KIAA0753: variants seen among roughly 807,000 people sequenced by gnomAD.
KIAA0753 encodes the protein protein moonraker.
Under a neutral mutation model 116.9 loss-of-function variants are expected in KIAA0753, and 114 were observed. The ratio of observed to expected loss-of-function variants is 0.98; its 90% CI spans 0.84 to 1.14. The LOEUF (loss-of-function observed/expected upper bound fraction) is 1.14. KIAA0753 is among the 50% of genes most tolerant of loss of function. The probability of loss-of-function intolerance (pLI) is 0.00; values close to 1 mark genes in which losing one functional copy is unlikely to be tolerated. For missense variants in KIAA0753, 1,156 were observed against 1,172.4 expected (o/e 0.99, Z 0.20); for synonymous variants, 405 against 413.1 (o/e 0.98, Z 0.24).
At chr17:6,590,765 C>A in intron 16 of KIAA0753, 135 bp from the exon 17 acceptor site, 2 of 779,954 alleles carry the variant, frequency 2.6e-6, no homozygotes, top group South Asian at 1.7e-5. Context: ...GCTAGCAGTG[C>A]AATGGGAAAA....
intron 7 of KIAA0753, among the ~76,000 whole-genome samples, chr17:6,616,175 T>G (rs1339195241): frequency 6.6e-6 from 1 of 152,212 alleles, no homozygotes; most frequent in African/African-American, 2.4e-5. Context: ...TACTCAAGGT[T>G]CCCAAAGAGT....
intron 7 of KIAA0753, among the ~76,000 whole-genome samples, chr17:6,617,360 C>T (rs1183460342): frequency 1.3e-5 from 2 of 152,192 alleles, no homozygotes; most frequent in East Asian, 1.9e-4. Context: ...ATTACTTCTA[C>T]CTGCCTACCA....
At position 6,578,629 on chromosome 17, in the gene KIAA0753, TAA is replaced by T. The variant is rs944659023; in HGVS notation, c.*1116_*1117del. ...CCAGATGACGGCACTGGACAGGTTA[TAA>T]AGAGTTCCCTTATTCCCTGGGGGCG... is the stretch of plus-strand genomic sequence containing the variant. On this transcript the variant is annotated 3_prime_UTR_variant, in exon 19 of 19. Coordinates refer to ENST00000361413, the MANE Select transcript of KIAA0753 (RefSeq NM_014804.3). The T allele has an allele frequency of 6.6e-6, 1 of 152,264 alleles. No individual in the cohort carries two copies. Among genetic ancestry groups the T allele is most frequent in the Non-Finnish European group, 1.5e-5 (1 of 68,052 alleles). 9.4% of individuals were successfully genotyped at this position (152,264 alleles called of 1,614,324 possible).
chr17:6,613,587 C>T (rs1970691765), intron 7 of KIAA0753, among the ~76,000 whole-genome samples: 1 of 151,926 alleles, frequency 6.6e-6, no homozygotes, highest in Non-Finnish European at 1.5e-5. Flanking sequence ...CAGAAATCAG[C>T]GAGACATCAT....
chr17:6,623,757 A>C (rs1026467394), intron 4 of KIAA0753, 186 bp from the exon 5 acceptor site: 2 of 722,578 alleles, frequency 2.8e-6, no homozygotes, highest in Non-Finnish European at 4.1e-6. Context: ...AGTTCAAGAT[A>C]GTGAATAGGC....
chr17:6,595,057 TA>T lies in KIAA0753; in HGVS notation c.2359-5del, dbSNP rs751716629. 1.7e-4 allele frequency: 258 copies of T among 1,532,210 alleles called. No individual in the cohort carries two copies. Among genetic ancestry groups the T allele is most frequent in the Middle Eastern group, 3.5e-4 (2 of 5,704 alleles). The allele number at this position is 1,532,210 out of a possible 1,614,324, so 94.9% of individuals were successfully genotyped here. On this transcript the variant is annotated splice_region_variant and splice_polypyrimidine_tract_variant and intron_variant, in intron 15 of 18. Coordinates refer to ENST00000361413, the MANE Select transcript of KIAA0753 (RefSeq NM_014804.3). The stretch of plus-strand genomic sequence containing the variant: ...GACGAACAGACTCCTGGTATTTCTT[TA>T]AAAAAAAAGAAAAAAGTTTAATTTA...
At position 6,612,013 on chromosome 17, in the gene KIAA0753, A is replaced by G. The variant is rs373679045; in HGVS notation, c.1451T>C (p.Leu484Ser). Residue 484 changes from leucine (L) to serine (S), a missense_variant, in exon 8 of 19, where the codon TTA becomes TCA. Physicochemically the swap from Leu to Ser is moderately radical, Grantham distance 145 (BLOSUM62 -2). Transcript: ENST00000361413. The part of the protein sequence containing the change: ...DQSASFKDEV[L>S]AVAKTKAGKK... ...CCCTGCTTTTGTTTTTGCCACGGCT[A>G]ACACCTCGTCTTTGAAGCTTGCACT... 3 of 1,614,078 alleles carry G rather than the reference A, an allele frequency of 1.9e-6. No individual in the cohort carries two copies. The highest frequency in any genetic ancestry group is 2.7e-5 in the African/African-American group (2 of 74,926).
intron 18 of KIAA0753, among the ~76,000 whole-genome samples, chr17:6,583,090 A>G (rs181916594): frequency 1.1e-4 from 16 of 152,310 alleles, no homozygotes; most frequent in Admixed American, 2.6e-4. Context: ...ACCCTTTTTA[A>G]TATTTCCTAC....
intron 7 of KIAA0753, among the ~76,000 whole-genome samples, chr17:6,619,372 T>C (rs1371155430): frequency 2.6e-5 from 4 of 152,214 alleles, no homozygotes; most frequent in Non-Finnish European, 5.9e-5. Flanking sequence ...TTTTGTTTTC[T>C]GGTAATTAAT....
At chr17:6,629,454 T>C (rs1971886384) in intron 2 of KIAA0753, among the ~76,000 whole-genome samples, 2 of 152,248 alleles carry the variant, frequency 1.3e-5, no homozygotes, top group Non-Finnish European at 2.9e-5. Context: ...GTTCCAGTTT[T>C]TCCACTAATA....
chr17:6,599,633 TC>T (rs1260408590), intron 13 of KIAA0753, among the ~76,000 whole-genome samples: 1 of 152,136 alleles, frequency 6.6e-6, no homozygotes, highest in African/African-American at 2.4e-5. Flanking sequence ...CTACTTGATT[TC>T]TTTTTTTTTT....
chr17:6,627,725 T>C (rs1280440129), intron 3 of KIAA0753, among the ~76,000 whole-genome samples: 1 of 152,218 alleles, frequency 6.6e-6, no homozygotes, highest in East Asian at 1.9e-4. Context: ...ATAATATAAA[T>C]ACATTATGCT....
At chr17:6,612,785 T>C (rs1268455804) in intron 7 of KIAA0753, among the ~76,000 whole-genome samples, 1 of 152,168 alleles carries the variant, frequency 6.6e-6, no homozygotes, top group Non-Finnish European at 1.5e-5. Flanking sequence ...GGAGAATCGT[T>C]TGAACTCAGG....
chr17:6,609,984 T>A lies in KIAA0753; in HGVS notation c.1712+10A>T. ...CACATACACAAACGGTCCCTTGAGTTTTCACATACCATTTAGGAGACGCTG... is the reference window on the plus strand; with the variant it reads ...CACATACACAAACGGTCCCTTGAGTATTCACATACCATTTAGGAGACGCTG... On this transcript the variant is annotated intron_variant, in intron 9 of 18. Transcript: ENST00000361413. 6.2e-7 allele frequency: 1 copy of A among 1,613,576 alleles called. No individual in the cohort carries two copies. Among genetic ancestry groups the A allele is most frequent in the Non-Finnish European group, 8.5e-7 (1 of 1,179,652 alleles).
chr17:6,625,285 G>A (rs1971591203), intron 3 of KIAA0753, among the ~76,000 whole-genome samples: 1 of 152,146 alleles, frequency 6.6e-6, no homozygotes, highest in Non-Finnish European at 1.5e-5. Flanking sequence ...AATGCCTATT[G>A]ATCAGCCACT....
chr17:6,615,573 C>T (rs1371044052), intron 7 of KIAA0753, among the ~76,000 whole-genome samples: 1 of 134,140 alleles, frequency 7.5e-6, no homozygotes, highest in African/African-American at 2.8e-5. Context: ...TGAGATCATG[C>T]CATTACACTC....
chr17:6,616,508 C>T lies in KIAA0753; in HGVS notation c.1315+4280G>A, dbSNP rs369228653. On this transcript the variant is annotated intron_variant, in intron 7 of 18. Coordinates refer to ENST00000361413, the MANE Select transcript of KIAA0753 (RefSeq NM_014804.3). ...GTCAGTCACAAAACACAAAGACTAT[C>T]CTTCCCATTTTACAGATAAAAAACT... 6.7e-4 allele frequency among the ~76,000 whole-genome samples: 102 copies of T among 152,304 alleles called. 2 individuals carry two copies. Among genetic ancestry groups the T allele is most frequent in the African/African-American group, 2.3e-3 (97 of 41,578 alleles).
intron 2 of KIAA0753, among the ~76,000 whole-genome samples, chr17:6,629,963 CAT>C (rs550543457): frequency 8.4e-4 from 128 of 152,088 alleles, no homozygotes; most frequent in African/African-American, 3.0e-3. Flanking sequence ...TACTAAAAAA[CAT>C]ATAAAAATTA....
In KIAA0753 at chr17:6,621,001, G is replaced by T; in HGVS notation, c.1105-3C>A. ...TTTTCCAGGAGAGATTCCAAAGCCT[G>T]CCACAAAAACAATCAATTATTCTCT... On this transcript the variant is annotated splice_region_variant and splice_polypyrimidine_tract_variant and intron_variant, in intron 6 of 18. Transcript: ENST00000361413. 1 of 1,611,850 alleles carries T rather than the reference G, an allele frequency of 6.2e-7. No homozygotes were observed. The highest frequency in any genetic ancestry group is 8.5e-7 in the Non-Finnish European group (1 of 1,179,590).
Sources: gnomAD v4.1 joint callset for allele counts (sites outside exome capture counted in the v4.1 genomes callset) on GRCh38, gnomAD v4.1.1 for gene constraint, MANE v1.5 for transcripts, NCBI Gene and HGNC (gene_info 2026-07-23, HGNC 2026-07-21) for gene names.